The following PC variants were observed in gnomAD, a reference collection of about 807,000 sequenced individuals.
The protein encoded by PC is pyruvate carboxylase, mitochondrial.
A neutral mutation model predicts 107.8 loss-of-function variants in PC; 46 were observed. The observed-to-expected ratio is 0.43, with a 90% CI of 0.34 to 0.55. The LOEUF (loss-of-function observed/expected upper bound fraction) is 0.55, where lower values mean the gene tolerates loss of function less well. Among genes scored for constraint, PC ranks in the 20% least tolerant of loss-of-function variants. The probability of loss-of-function intolerance (pLI) is 0.04; values close to 1 mark genes in which losing one functional copy is unlikely to be tolerated. For synonymous variants in PC, 662 were observed against 684.7 expected, an observed-to-expected ratio of 0.97 and a Z score of 0.52; for missense variants, 1,241 against 1,643.1, an observed-to-expected ratio of 0.76 and a Z score of 4.23.
intron 1 of PC, among the ~76,000 whole-genome samples, chr11:66,954,683 G>A (rs895102204): frequency 1.3e-5 from 2 of 152,290 alleles, no homozygotes; most frequent in African/African-American, 2.4e-5. Flanking sequence ...AGTGGCTCAC[G>A]CCTGTAATCC....
Position 66,870,719 on chromosome 11 carries a change from TG to T in PC, c.751+55del. 1.3e-6 allele frequency: 2 copies of T among 1,499,698 alleles called. No homozygotes were observed. The highest frequency in any genetic ancestry group is 9.2e-7 in the Non-Finnish European group (1 of 1,084,304). 92.9% of individuals were successfully genotyped at this position (1,499,698 alleles called of 1,614,324 possible). A position where few individuals can be genotyped will look rare whatever the true frequency, so the allele number is the denominator to read the frequency against. On this transcript the variant is annotated intron_variant, in intron 8 of 22. Transcript: ENST00000393960. This position sits in a 1 kb window ranked among gnomAD's most constrained non-coding sequence, Gnocchi z 6.1. ...CCAGCCACTGTGACGGCACCAGGAC[TG>T]GGCCTCTCAGCTCCCGCCTCCAGCT...
chr11:66,952,908 C>T (rs951768695), intron 2 of PC, among the ~76,000 whole-genome samples: 1 of 152,222 alleles, frequency 6.6e-6, no homozygotes, highest in Non-Finnish European at 1.5e-5. Flanking sequence ...GCCAGCTGTG[C>T]TGTCCCACTG....
intron 3 of PC, among the ~76,000 whole-genome samples, chr11:66,916,903 G>A (rs1389458055): frequency 1.3e-5 from 2 of 151,852 alleles, no homozygotes; most frequent in African/African-American, 2.4e-5. Flanking sequence ...GTAGTGAGCC[G>A]AGACCGTGCC....
Position 66,939,085 on chromosome 11 carries a change from C to T in PC, c.-1+13345G>A, listed in dbSNP as rs12290730. Among the ~76,000 whole-genome samples the T allele has an allele frequency of 2.6e-3, 395 of 152,304 alleles. 5 individuals carry two copies. The highest frequency in any genetic ancestry group is 8.9e-3 in the African/African-American group (369 of 41,566). ...CGTCACTCAGTGACATCACTGCCTT[C>T]GTTTACTATATGGTCAGCCCTCTGT... On this transcript the variant is annotated intron_variant, in intron 3 of 22. Coordinates refer to ENST00000393960, the MANE Select transcript of PC (RefSeq NM_001040716.2).
chr11:66,857,273 C>A lies in PC; in HGVS notation c.1369-3890G>T, dbSNP rs1218523024. ...CCGGGCTCGCAGGGAGGCCGGCCCG[C>A]GCCCCCTGAGCGACGGACACCAGGT... On this transcript the variant is annotated intron_variant, in intron 12 of 22. Coordinates refer to ENST00000393960, the MANE Select transcript of PC (RefSeq NM_001040716.2). The surrounding 1 kb of genome is among the most constrained non-coding windows in gnomAD (Gnocchi z 7.1). 1 of 149,270 alleles carries A rather than the reference C, an allele frequency of 6.7e-6. No individual in the cohort carries two copies. The highest frequency in any genetic ancestry group is 2.4e-5 in the African/African-American group (1 of 40,914). The allele number at this position is 149,270 out of a possible 1,614,324, so 9.2% of individuals were successfully genotyped here.
At chr11:66,854,477 C>T (rs1177195198) in intron 12 of PC, among the ~76,000 whole-genome samples, 1 of 152,196 alleles carries the variant, frequency 6.6e-6, no homozygotes, top group African/African-American at 2.4e-5. Context: ...ACTTTGTGCA[C>T]AGGGGCCCTC....
At chr11:66,889,358 C>T (rs547736545) in intron 3 of PC, among the ~76,000 whole-genome samples, 1 of 152,036 alleles carries the variant, frequency 6.6e-6, no homozygotes, top group Admixed American at 6.6e-5. Flanking sequence ...ATCTGACTTT[C>T]AGAAGTGTCC....
intron 3 of PC, among the ~76,000 whole-genome samples, chr11:66,886,979 T>C (rs1947392481): frequency 6.6e-6 from 1 of 152,148 alleles, no homozygotes; most frequent in Non-Finnish European, 1.5e-5. Flanking sequence ...TTTCCCAAGA[T>C]ACAAGGCTCC....
chr11:66,851,124 G>A lies in PC; in HGVS notation c.2139C>T (p.Pro713=), dbSNP rs1212515265. The change falls in exon 17 of 23, where the codon CCC becomes CCT. Residue 713 remains proline (P), a synonymous_variant. Coordinates refer to ENST00000393960, the MANE Select transcript of PC (RefSeq NM_001040716.2). ...AISYTGDVAD[P]SRTKYSLQYY... is the part of the protein sequence containing the mutation. ...ACTGCAGTGAGTACTTGGTGCGGCTGGGGTCGGCCACGTCGCCCGTGTATG... is the reference window on the plus strand; with the variant it reads ...ACTGCAGTGAGTACTTGGTGCGGCTAGGGTCGGCCACGTCGCCCGTGTATG... The A allele has an allele frequency of 3.7e-6, 6 of 1,612,964 alleles. No individual in the cohort carries two copies. The highest frequency in any genetic ancestry group is 5.1e-6 in the Non-Finnish European group (6 of 1,180,004).
intron 3 of PC, among the ~76,000 whole-genome samples, chr11:66,885,666 G>A (rs576946155): frequency 6.6e-6 from 1 of 152,290 alleles, no homozygotes; most frequent in Non-Finnish European, 1.5e-5. Flanking sequence ...CACATGACTG[G>A]AGTGAGGCAG....
At chr11:66,873,621 G>T in intron 3 of PC, among the ~76,000 whole-genome samples, 1 of 137,288 alleles carries the variant, frequency 7.3e-6, no homozygotes, top group Non-Finnish European at 1.5e-5. Flanking sequence ...ATGCAAAGAG[G>T]CTTCAGAGGT....
chr11:66,935,463 G>C (rs1310218108), intron 3 of PC, among the ~76,000 whole-genome samples: 5 of 152,306 alleles, frequency 3.3e-5, no homozygotes, highest in Middle Eastern at 3.4e-3. Context: ...TAGACTCCCA[G>C]TTGGCCACAA....
intron 3 of PC, among the ~76,000 whole-genome samples, chr11:66,915,190 C>T (rs553186524): frequency 1.3e-5 from 2 of 152,268 alleles, no homozygotes; most frequent in African/African-American, 4.8e-5. Context: ...TCCCGCCCTC[C>T]ACTCCATTTC....
At chr11:66,935,765 C>G (rs752833019) in intron 3 of PC, among the ~76,000 whole-genome samples, 1 of 152,162 alleles carries the variant, frequency 6.6e-6, no homozygotes, top group Non-Finnish European at 1.5e-5. Context: ...AAAACCACAA[C>G]CATAACCAGT....
At chr11:66,890,064 C>T (rs1019610908) in intron 3 of PC, among the ~76,000 whole-genome samples, 1 of 152,168 alleles carries the variant, frequency 6.6e-6, no homozygotes, top group Non-Finnish European at 1.5e-5. Context: ...TGTGTCCACA[C>T]CAAATTCCTA....
intron 3 of PC, among the ~76,000 whole-genome samples, chr11:66,903,561 G>A (rs1234628680): frequency 1.3e-5 from 2 of 149,444 alleles, no homozygotes; most frequent in Non-Finnish European, 3.0e-5. Flanking sequence ...CCAACTTGGC[G>A]AAACCCTGTC....
In PC at chr11:66,858,233, C is replaced by T. The variant is rs150589098; in HGVS notation, c.1369-4850G>A. Reference sequence around the variant, plus strand: ...ACAACCTCCGGCAGGTGCCCTGGGCCGGCATCGGCGCCATGCCTGCCCTGC... The same window carrying T: ...ACAACCTCCGGCAGGTGCCCTGGGCTGGCATCGGCGCCATGCCTGCCCTGC... On this transcript the variant is annotated intron_variant, in intron 12 of 22. Transcript: ENST00000393960. The surrounding 1 kb of genome is among the most constrained non-coding windows in gnomAD (Gnocchi z 5.9). The T allele has an allele frequency of 2.4e-5, 39 of 1,612,464 alleles. No individual in the cohort carries two copies. The East Asian group carries it at 4.2e-4, about 18-fold the overall frequency.
rs186025095 is a variant in PC, at chr11:66,860,879, G to A, written c.1368+2895C>T. ...GAGGTGGGGGACGGTACAGCCCTCT[G>A]GGAGAACGGACCTGGGCTGAGCGTA... is the stretch of plus-strand genomic sequence containing the variant. On this transcript the variant is annotated intron_variant, in intron 12 of 22. Coordinates refer to ENST00000393960, the MANE Select transcript of PC (RefSeq NM_001040716.2). Among the ~76,000 whole-genome samples the A allele has an allele frequency of 3.3e-5, 5 of 152,318 alleles. No individual in the cohort carries two copies. The East Asian group carries it at 9.6e-4, about 29-fold the overall frequency.
intron 3 of PC, among the ~76,000 whole-genome samples, chr11:66,917,398 C>T (rs1948487544): frequency 6.6e-6 from 1 of 152,106 alleles, no homozygotes; most frequent in South Asian, 2.1e-4. Flanking sequence ...TATATTAAAG[C>T]ACTCTACTTA....
Sources: allele counts gnomAD v4.1 joint callset (sites outside exome capture counted in the v4.1 genomes callset), GRCh38; gene constraint gnomAD v4.1.1; non-coding constraint Gnocchi (gnomAD v3.1); transcripts MANE v1.5; gene names NCBI Gene and HGNC (gene_info 2026-07-23, HGNC 2026-07-21).